Variants in CMC2 observed in about 807,000 individuals in gnomAD.
The protein encoded by CMC2 is COX assembly mitochondrial protein 2 homolog.
A neutral mutation model predicts 7.5 loss-of-function variants in CMC2; 5 were observed. The ratio of observed to expected loss-of-function variants is 0.66; its 90% CI spans 0.35 to 1.40. The LOEUF is 1.40. Among genes scored for constraint, CMC2 ranks in the 40% most tolerant of loss-of-function variants. The probability of loss-of-function intolerance (pLI) is 0.04; values close to 1 mark genes in which losing one functional copy is unlikely to be tolerated. For synonymous variants in CMC2, 37 were observed against 31.4 expected (o/e 1.18, Z -0.60); for missense variants, 115 against 92.3 (o/e 1.25, Z -1.01).
In CMC2 at chr16:80,969,530, G is replaced by C. The variant is rs950352297; in HGVS notation, c.*6563C>G. On this transcript the variant is annotated 3_prime_UTR_variant, in exon 4 of 4. Transcript: ENST00000219400. ...CCCGTAGGGTTCCCTCCCAGGACAA[G>C]ACTCCAAAGTGAGGAGGAACTGCAG... The C allele has an allele frequency of 6.6e-6, 1 of 151,912 alleles. No individual in the cohort carries two copies. The highest frequency in any genetic ancestry group is 1.9e-4 in the East Asian group (1 of 5,180). 9.4% of individuals were successfully genotyped at this position (151,912 alleles called of 1,614,324 possible). A position where few individuals can be genotyped will look rare whatever the true frequency, so the allele number is the denominator to read the frequency against.
rs1969412067 is a variant in CMC2 at position 81,006,859 on chromosome 16, T to A, written c.-161A>T. 11 of 985,602 alleles carry A rather than the reference T, an allele frequency of 1.1e-5. No homozygotes were observed. The South Asian group carries it at 4.7e-4, about 42-fold the overall frequency. The allele number at this position is 985,602 out of a possible 1,614,324, so 61.1% of individuals were successfully genotyped here. ...CAGACGCCGAAACCCAGTGACGCCC[T>A]CCACCGCTCCACCGTGCTCCCGGCT... On this transcript the variant is annotated 5_prime_UTR_variant, in exon 1 of 4. Transcript: ENST00000219400.
At chr16:80,978,714 G>GA (rs1042869866) in intron 3 of CMC2, among the ~76,000 whole-genome samples, 179 of 139,224 alleles carry the variant, frequency 1.3e-3, no homozygotes, top group African/African-American at 3.7e-3. Flanking sequence ...CTAAAAAAAA[G>GA]AAAAAAAAAA....
rs563034293 is a variant in CMC2, at chr16:80,979,142, C to T, written c.153+2664G>A. 3.5e-4 allele frequency among the ~76,000 whole-genome samples: 53 copies of T among 151,852 alleles called. 2 individuals are homozygous for T. In the South Asian group the frequency reaches 0.011, roughly 30 times the overall value. ...GTAATCAGATGACATATGAAGCAAA[C>T]AGTAGCAGGAAAGCATCTGAAGCAA... On this transcript the variant is annotated intron_variant, in intron 3 of 3. Coordinates refer to ENST00000219400, the MANE Select transcript of CMC2 (RefSeq NM_020188.5).
intron 1 of CMC2, among the ~76,000 whole-genome samples, chr16:81,005,093 G>T (rs960808367): frequency 6.6e-6 from 1 of 152,168 alleles, no homozygotes; most frequent in Admixed American, 6.5e-5. Flanking sequence ...TGAAGAAACT[G>T]TTCTCCAGAA....
In CMC2 at chr16:80,968,644, T is replaced by C. The variant is rs1227803257; in HGVS notation, c.*7449A>G. 1 of 152,180 alleles carries C rather than the reference T, an allele frequency of 6.6e-6. No homozygotes were observed. The highest frequency in any genetic ancestry group is 1.5e-5 in the Non-Finnish European group (1 of 68,048). 9.4% of individuals were successfully genotyped at this position (152,180 alleles called of 1,614,324 possible). A position where few individuals can be genotyped will look rare whatever the true frequency, so the allele number is the denominator to read the frequency against. ...TACAGGATATCTGTTTCTGGTAAAATAGCTCATTAGGTAATCTGAAAACAC... is the reference window on the plus strand; with the variant it reads ...TACAGGATATCTGTTTCTGGTAAAACAGCTCATTAGGTAATCTGAAAACAC... On this transcript the variant is annotated 3_prime_UTR_variant, in exon 4 of 4. Transcript: ENST00000219400.
rs1026885518 is a variant in CMC2, at chr16:80,972,251, A to G, written c.*3842T>C. ...TATGGATTAAGGTAGATTCTGGTAT[A>G]GCTGGTTCCCTGAATATGATATCAT... On this transcript the variant is annotated 3_prime_UTR_variant, in exon 4 of 4. Transcript: ENST00000219400. 2 of 152,254 alleles carry G rather than the reference A, an allele frequency of 1.3e-5. No individual in the cohort carries two copies. The highest frequency in any genetic ancestry group is 2.9e-5 in the Non-Finnish European group (2 of 68,048). The allele number at this position is 152,254 out of a possible 1,614,324, so 9.4% of individuals were successfully genotyped here.
intron 1 of CMC2, among the ~76,000 whole-genome samples, chr16:81,003,384 G>C (rs781335644): frequency 6.6e-6 from 1 of 152,202 alleles, no homozygotes; most frequent in Non-Finnish European, 1.5e-5. Context: ...TTGAACACTT[G>C]CCAAGTGCTA....
In CMC2 at chr16:80,971,360, T is replaced by A. The variant is rs935826372; in HGVS notation, c.*4733A>T. 8 of 151,348 alleles carry A rather than the reference T, an allele frequency of 5.3e-5. No individual in the cohort carries two copies. The highest frequency in any genetic ancestry group is 2.0e-4 in the Admixed American group (3 of 15,168). The allele number at this position is 151,348 out of a possible 1,614,324, so 9.4% of individuals were successfully genotyped here. A position where few individuals can be genotyped will look rare whatever the true frequency, so the allele number is the denominator to read the frequency against. On this transcript the variant is annotated 3_prime_UTR_variant, in exon 4 of 4. Coordinates refer to ENST00000219400, the MANE Select transcript of CMC2 (RefSeq NM_020188.5). ...ATCTAAGTGACCATCTACGGGGAAA[T>A]ACATAAACCGTGGTATAGGCCTACA...
intron 3 of CMC2, among the ~76,000 whole-genome samples, chr16:80,977,764 T>A (rs1329871314): frequency 6.6e-6 from 1 of 152,172 alleles, no homozygotes; most frequent in Non-Finnish European, 1.5e-5. Flanking sequence ...AACTTTTTAT[T>A]ACTTCCTTGT....
chr16:81,002,630 A>G (rs1968951306), intron 1 of CMC2, among the ~76,000 whole-genome samples: 1 of 152,220 alleles, frequency 6.6e-6, no homozygotes, highest in African/African-American at 2.4e-5. Context: ...TGACTGAGAC[A>G]ATATTAATAG....
At chr16:80,997,668 C>T in intron 1 of CMC2, 1 of 264,914 alleles carries the variant, frequency 3.8e-6, no homozygotes. Context: ...AAGCAGGAAG[C>T]CTCAAGAGAC....
intron 3 of CMC2, chr16:80,978,298 G>C: frequency 8.2e-7 from 1 of 1,222,872 alleles, no homozygotes; most frequent in Admixed American, 3.0e-5. Flanking sequence ...GGTCTTAAGG[G>C]AAACTCTTCA....
chr16:80,996,262 T>G (rs2151643890), intron 2 of CMC2, among the ~76,000 whole-genome samples: 1 of 152,326 alleles, frequency 6.6e-6, no homozygotes, highest in South Asian at 2.1e-4. Flanking sequence ...GAAATGTTAT[T>G]CCACAGAGTC....
intron 2 of CMC2, among the ~76,000 whole-genome samples, chr16:80,986,677 C>A (rs1322502019): frequency 6.6e-6 from 1 of 152,182 alleles, no homozygotes; most frequent in Non-Finnish European, 1.5e-5. Flanking sequence ...GAACACACAG[C>A]CCTGGTAAGG....
chr16:81,003,496 CCA>C (rs1969017912), intron 1 of CMC2, among the ~76,000 whole-genome samples: 1 of 152,086 alleles, frequency 6.6e-6, no homozygotes, highest in Non-Finnish European at 1.5e-5. Flanking sequence ...TATGCACTGC[CCA>C]CATTTTCATA....
intron 2 of CMC2, among the ~76,000 whole-genome samples, chr16:80,985,911 A>AAAAAC (rs1478978503): frequency 6.6e-6 from 1 of 151,668 alleles, no homozygotes; most frequent in Non-Finnish European, 1.5e-5. Context: ...CAAAAAAAAA[A>AAAAAC]AAAAAAACCA....
intron 1 of CMC2, 85 bp downstream of exon 1, chr16:81,006,649 G>A (rs1969373427): frequency 5.3e-6 from 5 of 949,290 alleles, no homozygotes; most frequent in Non-Finnish European, 6.3e-6. Flanking sequence ...CGGGCGGCAG[G>A]AAGGGGCTCG....
chr16:80,988,184 G>A (rs184636915), intron 2 of CMC2, among the ~76,000 whole-genome samples: 11 of 152,168 alleles, frequency 7.2e-5, no homozygotes, highest in Admixed American at 5.9e-4. Flanking sequence ...ACATCCTCCC[G>A]ATAAACTTTT....
chr16:80,995,832 T>C (rs1968374485), intron 2 of CMC2, among the ~76,000 whole-genome samples: 1 of 152,174 alleles, frequency 6.6e-6, no homozygotes, highest in African/African-American at 2.4e-5. Context: ...AGATCTTGAC[T>C]GTGATGGTGG....
Sources: gnomAD v4.1 joint callset for allele counts (sites outside exome capture counted in the v4.1 genomes callset) on GRCh38, gnomAD v4.1.1 for gene constraint, MANE v1.5 for transcripts, NCBI Gene and HGNC (gene_info 2026-07-23, HGNC 2026-07-21) for gene names.